Variants in PEX14 observed in about 807,000 individuals in gnomAD.
PEX14 encodes peroxisomal biogenesis factor 14.
In PEX14, 15 loss-of-function variants were observed where a neutral mutation model predicts 49.5. The observed-to-expected ratio is 0.30, with a 90% confidence interval of 0.20 to 0.47. The LOEUF (loss-of-function observed/expected upper bound fraction) is 0.47, where lower values mean the gene tolerates loss of function less well. PEX14 is among the 20% of genes least tolerant of loss of function. PEX14 has a pLI of 1.00. For missense variants in PEX14, 398 were observed against 494.8 expected (o/e 0.80, Z 1.86); for synonymous variants, 210 against 212.7 (o/e 0.99, Z 0.11).
At chr1:10,617,654 C>T (rs991762825) in intron 4 of PEX14, among the ~76,000 whole-genome samples, 2 of 152,198 alleles carry the variant, frequency 1.3e-5, no homozygotes, top group East Asian at 3.9e-4. Context: ...CTCCAGCCCC[C>T]AAGGGCCTCA....
chr1:10,576,392 A>AT (rs1640117390), intron 3 of PEX14, among the ~76,000 whole-genome samples: 1 of 152,152 alleles, frequency 6.6e-6, no homozygotes, highest in South Asian at 2.1e-4. Flanking sequence ...CGAGGTATGT[A>AT]TTTTTTATTG....
chr1:10,498,652 C>T (rs1303189147), intron 2 of PEX14, among the ~76,000 whole-genome samples: 4 of 152,188 alleles, frequency 2.6e-5, no homozygotes, highest in Admixed American at 6.5e-5. Flanking sequence ...ACCAACCCAG[C>T]AACATTGACC....
chr1:10,614,061 ATAG>A (rs1641344777), intron 4 of PEX14, among the ~76,000 whole-genome samples: 1 of 152,196 alleles, frequency 6.6e-6, no homozygotes, highest in Admixed American at 6.5e-5. Flanking sequence ...CTTGGAAAAA[ATAG>A]GCCCCAGGGT....
At chr1:10,536,822 C>T (rs1239967231) in intron 3 of PEX14, among the ~76,000 whole-genome samples, 2 of 152,048 alleles carry the variant, frequency 1.3e-5, no homozygotes. Context: ...TAAAGTGGAC[C>T]CTGACAAATT....
chr1:10,612,363 A>G (rs1046139365), intron 4 of PEX14, among the ~76,000 whole-genome samples: 11 of 151,536 alleles, frequency 7.3e-5, no homozygotes, highest in Non-Finnish European at 1.3e-4. Context: ...ATATTTTTTA[A>G]TCTATGGACA....
intron 4 of PEX14, among the ~76,000 whole-genome samples, chr1:10,617,538 C>A (rs576026833): frequency 1.3e-5 from 2 of 152,278 alleles, no homozygotes; most frequent in East Asian, 3.9e-4. Flanking sequence ...TCCCCAGCAC[C>A]CTGCTCTTGG....
chr1:10,576,491 T>C (rs1401733197), intron 3 of PEX14, among the ~76,000 whole-genome samples: 1 of 152,220 alleles, frequency 6.6e-6, no homozygotes, highest in Non-Finnish European at 1.5e-5. Context: ...TTCATCCACA[T>C]TTCGTTTTAG....
At chr1:10,600,721 AAAAAT>A (rs902125513) in intron 4 of PEX14, among the ~76,000 whole-genome samples, 13 of 152,170 alleles carry the variant, frequency 8.5e-5, no homozygotes, top group African/African-American at 2.7e-4. Flanking sequence ...CTGTCTCAAA[AAAAAT>A]AAAATAAAAT....
intron 4 of PEX14, among the ~76,000 whole-genome samples, chr1:10,615,190 T>G (rs890673158): frequency 6.6e-6 from 1 of 152,100 alleles, no homozygotes; most frequent in Non-Finnish European, 1.5e-5. Context: ...AAGAATAGAT[T>G]GATAAATTTG....
intron 3 of PEX14, among the ~76,000 whole-genome samples, chr1:10,583,642 C>G (rs1381986353): frequency 8.5e-6 from 1 of 117,064 alleles, no homozygotes; most frequent in Non-Finnish European, 1.8e-5. Context: ...AGGGAGAAGA[C>G]AGTAAATAGA....
At chr1:10,475,798 C>T (rs115657491) in intron 1 of PEX14, among the ~76,000 whole-genome samples, 1,794 of 152,282 alleles carry the variant, frequency 0.012, 32 homozygotes, top group African/African-American at 0.037. Flanking sequence ...GAGAAAAGGG[C>T]TAAGAGACAT....
intron 4 of PEX14, among the ~76,000 whole-genome samples, chr1:10,600,457 C>T (rs1017897745): frequency 6.6e-6 from 1 of 151,964 alleles, no homozygotes; most frequent in African/African-American, 2.4e-5. Context: ...TGGCTCACAT[C>T]TGTAATCCCA....
Position 10,475,731 on chromosome 1 carries a change from G to A in PEX14, c.36+729G>A, listed in dbSNP as rs140037722. On this transcript the variant is annotated intron_variant, in intron 1 of 8. Coordinates refer to ENST00000356607, the MANE Select transcript of PEX14 (RefSeq NM_004565.3). ...TGTGCCTCTGCGGCCGGGAGGCAGT[G>A]GATGATAAGGTCTCCGAAGGGGTTT... 2.9e-3 allele frequency among the ~76,000 whole-genome samples: 437 copies of A among 152,328 alleles called. 2 individuals are homozygous for A. The highest frequency in any genetic ancestry group is 0.01 in the African/African-American group (421 of 41,582).
intron 3 of PEX14, among the ~76,000 whole-genome samples, chr1:10,560,785 T>C (rs1198421389): frequency 6.7e-6 from 1 of 149,236 alleles, no homozygotes; most frequent in Non-Finnish European, 1.5e-5. Context: ...TGGTGCAATC[T>C]TGGCTCACTG....
At chr1:10,534,805 G>A in intron 2 of PEX14, among the ~76,000 whole-genome samples, 1 of 152,112 alleles carries the variant, frequency 6.6e-6, no homozygotes, top group East Asian at 1.9e-4. Context: ...ATCCTTTAGG[G>A]GAATGTCTAG....
chr1:10,599,489 T>G, intron 4 of PEX14, 123 bp downstream of exon 4: 10 of 1,185,788 alleles, frequency 8.4e-6, no homozygotes, highest in East Asian at 2.3e-5. Flanking sequence ...CAGAAAGCTC[T>G]TGGGTTTTTC....
chr1:10,497,351 T>G (rs1265604669), intron 2 of PEX14, among the ~76,000 whole-genome samples: 1 of 152,146 alleles, frequency 6.6e-6, no homozygotes, highest in African/African-American at 2.4e-5. Context: ...TGTGGTGGTG[T>G]TGCGGTTTGT....
chr1:10,552,047 C>T lies in PEX14; in HGVS notation c.169+15750C>T, dbSNP rs534104692. On this transcript the variant is annotated intron_variant, in intron 3 of 8. Coordinates refer to ENST00000356607, the MANE Select transcript of PEX14 (RefSeq NM_004565.3). ...GGTGGAGGTTGCAGTGAGCTGAGAT[C>T]GTGCTGCTGCACTCCAGCCTGGGCG... 2.9e-3 allele frequency among the ~76,000 whole-genome samples: 434 copies of T among 151,918 alleles called. 4 individuals are homozygous for T. Among genetic ancestry groups the T allele is most frequent in the African/African-American group, 9.9e-3 (409 of 41,382 alleles).
intron 4 of PEX14, among the ~76,000 whole-genome samples, chr1:10,615,827 A>C (rs1255641181): frequency 1.3e-5 from 2 of 152,230 alleles, no homozygotes; most frequent in Non-Finnish European, 2.9e-5. Context: ...AAGGAAGAGA[A>C]GACATCCTGT....
Sources: gnomAD v4.1 joint callset for allele counts (sites outside exome capture counted in the v4.1 genomes callset) on GRCh38, gnomAD v4.1.1 for gene constraint, MANE v1.5 for transcripts, NCBI Gene and HGNC (gene_info 2026-07-23, HGNC 2026-07-21) for gene names.